The following CNTN5 variants were observed in gnomAD, a reference collection of about 807,000 sequenced individuals.
CNTN5 encodes the protein contactin-5.
CNTN5 carries 77 observed loss-of-function variants against 129.1 expected under a neutral mutation model. That is an observed-to-expected ratio of 0.60 (90% CI 0.50 to 0.72). The LOEUF (loss-of-function observed/expected upper bound fraction) is 0.72, where lower values mean the gene tolerates loss of function less well. CNTN5 is among the 30% of genes least tolerant of loss of function. CNTN5 has a pLI of 0.00. For synonymous variants in CNTN5, 509 were observed against 465.6 expected, an observed-to-expected ratio of 1.09 and a Z score of -1.20; for missense variants, 1,478 against 1,328.8, an observed-to-expected ratio of 1.11 and a Z score of -1.75.
chr11:99,238,118 G>T lies in CNTN5; in HGVS notation c.-209-87228G>T, dbSNP rs181015255. ...CATATAGCAATATATATTAGGGAAA[G>T]AAAGCACTGCATCTTTTTAAAAATG... is the stretch of plus-strand genomic sequence containing the variant. On this transcript the variant is annotated intron_variant, in intron 1 of 24. Coordinates refer to ENST00000524871, the MANE Select transcript of CNTN5 (RefSeq NM_014361.4). Among the ~76,000 whole-genome samples the T allele has an allele frequency of 3.8e-3, 582 of 152,270 alleles. 1 individual carries two copies. Among genetic ancestry groups the T allele is most frequent in the Non-Finnish European group, 7.1e-3 (481 of 67,990 alleles).
At chr11:100,087,552 G>A (rs992399968) in intron 13 of CNTN5, among the ~76,000 whole-genome samples, 14 of 151,826 alleles carry the variant, frequency 9.2e-5, no homozygotes, top group African/African-American at 3.4e-4. Flanking sequence ...ATTATATAAT[G>A]ATAAAGGGTT....
At chr11:100,149,899 AAAAAAAAAG>A (rs1046854357) in intron 13 of CNTN5, among the ~76,000 whole-genome samples, 9 of 150,102 alleles carry the variant, frequency 6.0e-5, no homozygotes, top group African/African-American at 2.3e-4. Flanking sequence ...ATCTCAAAAA[AAAAAAAAAG>A]AAAAGAAAAG....
At chr11:99,749,294 G>A (rs1348208888) in intron 3 of CNTN5, among the ~76,000 whole-genome samples, 3 of 151,792 alleles carry the variant, frequency 2.0e-5, no homozygotes, top group Non-Finnish European at 4.4e-5. Context: ...AAAAGAATGG[G>A]GAAAAAAGAT....
chr11:99,912,314 G>C (rs1257580007), intron 6 of CNTN5, among the ~76,000 whole-genome samples: 2 of 151,972 alleles, frequency 1.3e-5, no homozygotes, highest in Non-Finnish European at 2.9e-5. Context: ...GTATGTTTTT[G>C]GTCACTCATG....
chr11:99,301,768 A>G (rs1397089996), intron 1 of CNTN5, among the ~76,000 whole-genome samples: 1 of 151,722 alleles, frequency 6.6e-6, no homozygotes, highest in Non-Finnish European at 1.5e-5. Context: ...CTACCCAATA[A>G]CAGAAAAAAT....
At chr11:99,507,609 C>A (rs1946676669) in intron 2 of CNTN5, among the ~76,000 whole-genome samples, 1 of 151,928 alleles carries the variant, frequency 6.6e-6, no homozygotes, top group Non-Finnish European at 1.5e-5. Context: ...GAAAGAAATG[C>A]AGTATAATAT....
At position 100,224,736 on chromosome 11, in the gene CNTN5, G is replaced by T; in HGVS notation, c.1929G>T (p.Met643Ile). The T allele has an allele frequency of 6.2e-7, 1 of 1,612,570 alleles. No homozygotes were observed. Among genetic ancestry groups the T allele is most frequent in the Non-Finnish European group, 8.5e-7 (1 of 1,178,796 alleles). ...TAATGATCAGGAACATCCTTCTGATGCATGCTGGGAGATATGGCTGCAGGG... is the reference window on the plus strand; with the variant it reads ...TAATGATCAGGAACATCCTTCTGATTCATGCTGGGAGATATGGCTGCAGGG... ...ADLMIRNILL[M>I]HAGRYGCRVQ... is the part of the protein sequence containing the mutation. The change falls in exon 16 of 25, where the codon ATG becomes ATT. Residue 643 changes from methionine (M) to isoleucine (I), a missense_variant. Coordinates refer to ENST00000524871, the MANE Select transcript of CNTN5 (RefSeq NM_014361.4).
intron 13 of CNTN5, among the ~76,000 whole-genome samples, chr11:100,151,235 C>G (rs770346362): frequency 6.6e-6 from 1 of 151,998 alleles, no homozygotes; most frequent in Non-Finnish European, 1.5e-5. Context: ...TACTTATTCA[C>G]AATGTAAGTG....
At chr11:99,743,813 T>C (rs1005477134) in intron 3 of CNTN5, among the ~76,000 whole-genome samples, 10 of 152,178 alleles carry the variant, frequency 6.6e-5, no homozygotes, top group African/African-American at 2.4e-4. Context: ...CTTAAGAGAT[T>C]CTTGACTAAA....
chr11:100,303,032 G>A (rs766813030), intron 20 of CNTN5, among the ~76,000 whole-genome samples: 8 of 151,540 alleles, frequency 5.3e-5, no homozygotes, highest in South Asian at 2.1e-4. Flanking sequence ...GCTAACACCC[G>A]TAAGCCTTTG....
rs540108645 is a variant in CNTN5, at chr11:99,314,241, A to G, written c.-209-11105A>G. Among the ~76,000 whole-genome samples the G allele has an allele frequency of 2.6e-5, 4 of 152,184 alleles. No individual in the cohort carries two copies. The East Asian group carries it at 7.7e-4, about 29-fold the overall frequency. Reference sequence around the variant, plus strand: ...CAATAATTAATACATTGCTAGCCCAAGTAGGATGTGCATACTGGTGTGTTA... The same window carrying G: ...CAATAATTAATACATTGCTAGCCCAGGTAGGATGTGCATACTGGTGTGTTA... On this transcript the variant is annotated intron_variant, in intron 1 of 24. Coordinates refer to ENST00000524871, the MANE Select transcript of CNTN5 (RefSeq NM_014361.4).
intron 8 of CNTN5, among the ~76,000 whole-genome samples, chr11:99,996,468 A>G (rs1422021334): frequency 6.6e-6 from 1 of 152,142 alleles, no homozygotes; most frequent in Non-Finnish European, 1.5e-5. Context: ...GATTTATCTA[A>G]TATCACTTCC....
At chr11:99,111,355 T>C (rs974984323) in intron 1 of CNTN5, among the ~76,000 whole-genome samples, 3 of 151,806 alleles carry the variant, frequency 2.0e-5, no homozygotes, top group Admixed American at 6.6e-5. Context: ...GTGTAGGAGT[T>C]GGTTGGCCAA....
intron 13 of CNTN5, among the ~76,000 whole-genome samples, chr11:100,101,790 C>A: frequency 6.6e-6 from 1 of 152,126 alleles, no homozygotes; most frequent in South Asian, 2.1e-4. Flanking sequence ...CCTTTGCATC[C>A]TCGTAGCTTA....
intron 15 of CNTN5, among the ~76,000 whole-genome samples, chr11:100,214,990 A>G (rs763898441): frequency 6.6e-5 from 10 of 152,244 alleles, no homozygotes; most frequent in Middle Eastern, 3.4e-3. Flanking sequence ...CAGAAGCCTC[A>G]GTTGTGGATA....
intron 2 of CNTN5, among the ~76,000 whole-genome samples, chr11:99,548,125 C>T (rs1170247675): frequency 6.6e-6 from 1 of 151,818 alleles, no homozygotes; most frequent in Non-Finnish European, 1.5e-5. Context: ...ACTATTTTTC[C>T]TTTTGTCTGA....
chr11:99,071,638 C>T (rs762281381), intron 1 of CNTN5, among the ~76,000 whole-genome samples: 23 of 152,074 alleles, frequency 1.5e-4, no homozygotes, highest in Non-Finnish European at 2.8e-4. Flanking sequence ...CCATGTACTT[C>T]ATATATATTT....
rs561296203 is a variant in CNTN5, at chr11:99,368,481, T to TA, written c.-71+43010dup. ...ACATAGTGCAACTCTTGTCTTAAAT[T>TA]AAAAAAAAAAAAATTGAAAATATAA... is the stretch of plus-strand genomic sequence containing the variant. On this transcript the variant is annotated intron_variant, in intron 2 of 24. Transcript: ENST00000524871. Among the ~76,000 whole-genome samples the TA allele has an allele frequency of 6.6e-3, 947 of 143,406 alleles. 8 individuals are homozygous for TA. Among genetic ancestry groups the TA allele is most frequent in the South Asian group, 0.028 (129 of 4,552 alleles). 94.1% of individuals were successfully genotyped at this position (143,406 alleles called of 152,430 possible).
chr11:100,237,188 C>CAAAAAAA (rs397977189), intron 16 of CNTN5, among the ~76,000 whole-genome samples: 3 of 71,058 alleles, frequency 4.2e-5, no homozygotes, highest in Admixed American at 1.6e-4. Context: ...GACTCCGTCT[C>CAAAAAAA]AAAAAAAAAA....
Sources: gnomAD v4.1 joint callset for allele counts (sites outside exome capture counted in the v4.1 genomes callset) on GRCh38, gnomAD v4.1.1 for gene constraint, MANE v1.5 for transcripts, NCBI Gene and HGNC (gene_info 2026-07-23, HGNC 2026-07-21) for gene names.